Variants in CCDC148 observed in about 807,000 individuals in gnomAD.
The protein encoded by CCDC148 is coiled-coil domain containing 148, also known as coiled-coil domain-containing protein 148.
A neutral mutation model predicts 85.7 loss-of-function variants in CCDC148; 89 were observed. The ratio of observed to expected loss-of-function variants is 1.04; its 90% CI spans 0.87 to 1.24. The LOEUF (loss-of-function observed/expected upper bound fraction) is 1.24, where lower values mean the gene tolerates loss of function less well. Ranked by LOEUF, CCDC148 falls within the 50% of genes most tolerant of loss-of-function variation. The probability of loss-of-function intolerance (pLI) is 0.00; values close to 1 mark genes in which losing one functional copy is unlikely to be tolerated. For missense variants in CCDC148, 692 were observed against 671.7 expected (o/e 1.03, Z -0.33); for synonymous variants, 230 against 213.9 (o/e 1.08, Z -0.66).
intron 9 of CCDC148, among the ~76,000 whole-genome samples, chr2:158,305,261 C>T (rs1044830526): frequency 4.6e-5 from 7 of 152,196 alleles, no homozygotes; most frequent in African/African-American, 1.7e-4. Flanking sequence ...ATCTCCCTCA[C>T]AAGAACATCA....
At position 158,342,032 on chromosome 2, in the gene CCDC148, T is replaced by C. The variant is rs1397511429; in HGVS notation, c.252-1352A>G. On this transcript the variant is annotated intron_variant, in intron 3 of 13. Coordinates refer to ENST00000283233, the MANE Select transcript of CCDC148 (RefSeq NM_138803.4). Reference sequence around the variant, plus strand: ...CGTGTCATTATTTTCTTTTCTTTTTTTTTTTTTTTTTTTTTGAGAAGGAGT... The same window carrying C: ...CGTGTCATTATTTTCTTTTCTTTTTCTTTTTTTTTTTTTTTGAGAAGGAGT... Among the ~76,000 whole-genome samples, 114 of 139,498 alleles carry C rather than the reference T, an allele frequency of 8.2e-4. 1 individual carries two copies. Among genetic ancestry groups the C allele is most frequent in the African/African-American group, 2.9e-3 (108 of 37,754 alleles). 91.5% of individuals were successfully genotyped at this position (139,498 alleles called of 152,430 possible).
chr2:158,336,714 T>C (rs1476476425), intron 7 of CCDC148, among the ~76,000 whole-genome samples: 1 of 152,196 alleles, frequency 6.6e-6, no homozygotes, highest in East Asian at 1.9e-4. Context: ...TCCCATAACA[T>C]ATCTTGCCTT....
intron 9 of CCDC148, among the ~76,000 whole-genome samples, chr2:158,300,611 G>A (rs1691396072): frequency 6.6e-6 from 1 of 152,154 alleles, no homozygotes. Context: ...ACAATAGCAA[G>A]AACAAAGGCA....
At chr2:158,221,028 G>A (rs1254674235) in intron 10 of CCDC148, among the ~76,000 whole-genome samples, 1 of 152,132 alleles carries the variant, frequency 6.6e-6, no homozygotes, top group Non-Finnish European at 1.5e-5. Context: ...GTGTGTTATT[G>A]TCTCTAAAGT....
chr2:158,255,225 G>T (rs540896093), intron 9 of CCDC148, among the ~76,000 whole-genome samples: 2 of 151,668 alleles, frequency 1.3e-5, no homozygotes, highest in Admixed American at 6.6e-5. Flanking sequence ...TCATGGGGAT[G>T]GTCAGGGACC....
At chr2:158,174,592 T>C (rs1250923806) in intron 13 of CCDC148, among the ~76,000 whole-genome samples, 1 of 152,086 alleles carries the variant, frequency 6.6e-6, no homozygotes, top group Non-Finnish European at 1.5e-5. Context: ...TCATAGCATG[T>C]ACTTACATAA....
intron 9 of CCDC148, among the ~76,000 whole-genome samples, chr2:158,300,519 T>A (rs1482400017): frequency 6.6e-6 from 1 of 152,186 alleles, no homozygotes; most frequent in African/African-American, 2.4e-5. Flanking sequence ...TTTTCCTGTA[T>A]CAGACATTTG....
intron 1 of CCDC148, among the ~76,000 whole-genome samples, chr2:158,434,946 G>A (rs988238468): frequency 6.6e-6 from 1 of 152,150 alleles, no homozygotes; most frequent in Non-Finnish European, 1.5e-5. Flanking sequence ...AAAAAGAAAT[G>A]AACAAAGCCT....
chr2:158,341,212 G>A (rs1682673313), intron 3 of CCDC148, among the ~76,000 whole-genome samples: 2 of 151,672 alleles, frequency 1.3e-5, no homozygotes, highest in African/African-American at 4.8e-5. Flanking sequence ...ATACGTATGT[G>A]TACGTACATA....
chr2:158,324,877 C>T (rs1356360584), intron 7 of CCDC148, among the ~76,000 whole-genome samples: 1 of 152,098 alleles, frequency 6.6e-6, no homozygotes, highest in Non-Finnish European at 1.5e-5. Context: ...TCATTCCCCT[C>T]CCAGCATCTG....
At chr2:158,236,244 A>G (rs146397304) in intron 10 of CCDC148, 2 of 152,252 alleles carry the variant, frequency 1.3e-5, no homozygotes, top group African/African-American at 4.8e-5. Flanking sequence ...GCAGTAAGCT[A>G]TTTTCTGCTG....
At chr2:158,197,735 T>G (rs1685748313) in intron 11 of CCDC148, among the ~76,000 whole-genome samples, 1 of 152,106 alleles carries the variant, frequency 6.6e-6, no homozygotes. Flanking sequence ...GGTAATTACT[T>G]CCCTATTTTT....
At chr2:158,449,021 T>C (rs1023515637) in intron 1 of CCDC148, among the ~76,000 whole-genome samples, 14 of 152,174 alleles carry the variant, frequency 9.2e-5, no homozygotes, top group African/African-American at 3.1e-4. Flanking sequence ...AGAGACAGCA[T>C]TTCACCATGT....
chr2:158,331,579 C>G (rs898413472), intron 7 of CCDC148, among the ~76,000 whole-genome samples: 2 of 149,218 alleles, frequency 1.3e-5, no homozygotes, highest in South Asian at 2.1e-4. Flanking sequence ...TTTCTGTCTC[C>G]TTGATCTGTC....
chr2:158,326,873 TA>T (rs1297787679), intron 7 of CCDC148, among the ~76,000 whole-genome samples: 1 of 152,134 alleles, frequency 6.6e-6, no homozygotes, highest in Non-Finnish European at 1.5e-5. Flanking sequence ...AGCAAATATA[TA>T]AAAATATATA....
intron 7 of CCDC148, among the ~76,000 whole-genome samples, chr2:158,337,341 A>T (rs919799575): frequency 2.6e-5 from 4 of 152,150 alleles, no homozygotes; most frequent in Admixed American, 6.6e-5. Flanking sequence ...GCTACAGTTT[A>T]TCAGGCTGAT....
At chr2:158,262,246 C>T (rs1160155951) in intron 9 of CCDC148, among the ~76,000 whole-genome samples, 1 of 151,958 alleles carries the variant, frequency 6.6e-6, no homozygotes, top group Admixed American at 6.6e-5. Context: ...TTATCCTTAG[C>T]AAACTAAGGA....
At chr2:158,199,025 A>G (rs940033003) in intron 11 of CCDC148, among the ~76,000 whole-genome samples, 5 of 152,160 alleles carry the variant, frequency 3.3e-5, no homozygotes, top group African/African-American at 9.6e-5. Context: ...TTAGTTAAGC[A>G]TAAAGGGATC....
chr2:158,411,785 T>A lies in CCDC148; in HGVS notation c.25+44630A>T, dbSNP rs2543652. 3.9e-4 allele frequency among the ~76,000 whole-genome samples: 60 copies of A among 152,306 alleles called. No individual in the cohort carries two copies. The South Asian group carries it at 5.8e-3, about 15-fold the overall frequency. Reference sequence around the variant, plus strand: ...CCTTGTAGTATTGTGTTGGTGTCTGTGCATTTGAAGGAGTTATTTCTTCCA... The same window carrying A: ...CCTTGTAGTATTGTGTTGGTGTCTGAGCATTTGAAGGAGTTATTTCTTCCA... On this transcript the variant is annotated intron_variant, in intron 1 of 13. Transcript: ENST00000283233.
Sources: allele counts gnomAD v4.1 joint callset (sites outside exome capture counted in the v4.1 genomes callset), GRCh38; gene constraint gnomAD v4.1.1; transcripts MANE v1.5; gene names NCBI Gene and HGNC (gene_info 2026-07-23, HGNC 2026-07-21).